LDLRAD4: variants seen among roughly 807,000 people sequenced by gnomAD.
LDLRAD4 encodes the protein low density lipoprotein receptor class A domain containing 4, also known as low-density lipoprotein receptor class A domain-containing protein 4.
LDLRAD4 carries 5 observed loss-of-function variants against 17.0 expected under a neutral mutation model. The observed-to-expected ratio is 0.29, with a 90% confidence interval of 0.15 to 0.62. The LOEUF (loss-of-function observed/expected upper bound fraction) is 0.62. Among genes scored for constraint, LDLRAD4 ranks in the 20% least tolerant of loss-of-function variants. The pLI, the probability that LDLRAD4 is intolerant of heterozygous loss-of-function variation, is 0.84. For missense variants in LDLRAD4, 340 were observed against 424.7 expected (o/e 0.80, Z 1.75); for synonymous variants, 168 against 171.8 (o/e 0.98, Z 0.17).
upstream of LDLRAD4, among the ~76,000 whole-genome samples, chr18:13,275,354 A>G (rs1000119419): frequency 6.6e-6 from 1 of 152,242 alleles, no homozygotes; most frequent in Admixed American, 6.5e-5. Context: ...GTTCACTGGT[A>G]AAATGAAATC....
chr18:13,335,316 C>A (rs1297851777), intron 1 of LDLRAD4, among the ~76,000 whole-genome samples: 1 of 152,114 alleles, frequency 6.6e-6, no homozygotes, highest in African/African-American at 2.4e-5. Flanking sequence ...TGTTATTAGT[C>A]AGTTTATTAG....
intron 1 of LDLRAD4, among the ~76,000 whole-genome samples, chr18:13,342,733 G>C (rs2082446886): frequency 6.6e-6 from 1 of 151,424 alleles, no homozygotes; most frequent in African/African-American, 2.4e-5. Context: ...TGTGTCCTTA[G>C]ATCCAAAGTT....
chr18:13,593,020 T>G (rs1601598273), intron 3 of LDLRAD4, among the ~76,000 whole-genome samples: 1 of 152,228 alleles, frequency 6.6e-6, no homozygotes, highest in African/African-American at 2.4e-5. Context: ...ATTGCTTTTT[T>G]AAAAAATCCA....
At chr18:13,561,081 A>G (rs377168989) in intron 3 of LDLRAD4, among the ~76,000 whole-genome samples, 1 of 152,196 alleles carries the variant, frequency 6.6e-6, no homozygotes. Context: ...ACTTGGCCTT[A>G]CAGGTATGTA....
exon 6 of LDLRAD4, chr18:13,650,069 C>T (rs911839099): frequency 4.3e-5 from 17 of 398,540 alleles, no homozygotes; most frequent in South Asian, 1.3e-4. Context: ...TTTCCACCAC[C>T]GCCAGCTGCC....
At chr18:13,263,750 A>T (rs942793774) in intron 1 of LDLRAD4, among the ~76,000 whole-genome samples, 4 of 152,228 alleles carry the variant, frequency 2.6e-5, no homozygotes, top group African/African-American at 9.6e-5. Flanking sequence ...CTTGAGACAC[A>T]GCTGGCTGAT....
At chr18:13,581,988 G>A (rs2094866502) in intron 3 of LDLRAD4, among the ~76,000 whole-genome samples, 1 of 152,120 alleles carries the variant, frequency 6.6e-6, no homozygotes, top group East Asian at 1.9e-4. Flanking sequence ...AAACATGCAT[G>A]TATCTTTCTG....
At chr18:13,572,323 G>A (rs2094704723) in intron 3 of LDLRAD4, among the ~76,000 whole-genome samples, 2 of 152,182 alleles carry the variant, frequency 1.3e-5, no homozygotes, top group African/African-American at 4.8e-5. Context: ...CTTTGCAGCC[G>A]GCTGTCCTTC....
At chr18:13,311,337 G>C (rs569518240) in intron 1 of LDLRAD4, among the ~76,000 whole-genome samples, 1 of 152,238 alleles carries the variant, frequency 6.6e-6, no homozygotes, top group Non-Finnish European at 1.5e-5. Context: ...CCTGCCTACC[G>C]ATCCACCCTC....
At chr18:13,565,105 A>G (rs1248335416) in intron 3 of LDLRAD4, 1 of 152,252 alleles carries the variant, frequency 6.6e-6, no homozygotes, top group Non-Finnish European at 1.5e-5. Flanking sequence ...CAAAACAGCA[A>G]TGTAAAACAA....
At chr18:13,643,452 G>GT (rs1178328643) in intron 5 of LDLRAD4, 40 bp downstream of exon 6, 6 of 456,226 alleles carry the variant, frequency 1.3e-5, no homozygotes, top group African/African-American at 2.1e-5. Context: ...GGGGGCGGGG[G>GT]GGGTGGGTGG....
At position 13,601,632 on chromosome 18, in the gene LDLRAD4, C is replaced by T. The variant is rs374863308; in HGVS notation, c.182-19485C>T. Among the ~76,000 whole-genome samples, 116 of 134,520 alleles carry T rather than the reference C, an allele frequency of 8.6e-4. No homozygotes were observed. The East Asian group carries it at 0.016, about 19-fold the overall frequency. 88.3% of individuals were successfully genotyped at this position (134,520 alleles called of 152,430 possible). On this transcript the variant is annotated intron_variant, in intron 3 of 5. Coordinates refer to ENST00000359446, the Ensembl canonical transcript of LDLRAD4. ...TTGCGCCACGGCACTCCAGCCTGGG[C>T]GACAGAGTGAGACTCTGTCTGAAAA...
chr18:13,517,936 C>T (rs182905419), intron 3 of LDLRAD4, among the ~76,000 whole-genome samples: 19 of 152,186 alleles, frequency 1.2e-4, no homozygotes, highest in Admixed American at 4.6e-4. Flanking sequence ...GATGGGGTTT[C>T]GCTGTGTTAG....
At chr18:13,238,644 G>A (rs1318474153) in intron 1 of LDLRAD4, among the ~76,000 whole-genome samples, 1 of 152,192 alleles carries the variant, frequency 6.6e-6, no homozygotes, top group African/African-American at 2.4e-5. Context: ...CTGCCAGCCT[G>A]GGTTCACATC....
chr18:13,444,104 T>C (rs773269140), intron 3 of LDLRAD4, among the ~76,000 whole-genome samples: 93 of 152,234 alleles, frequency 6.1e-4, no homozygotes, highest in Non-Finnish European at 1.2e-3. Context: ...GAAGTGTATA[T>C]CATATAGGAT....
intron 1 of LDLRAD4, among the ~76,000 whole-genome samples, chr18:13,219,690 C>G (rs745324268): frequency 3.3e-5 from 5 of 152,176 alleles, no homozygotes; most frequent in Non-Finnish European, 7.3e-5. Context: ...AGGTTGGTGC[C>G]TTCTCGAAGG....
At chr18:13,414,157 C>T (rs2088645409) in intron 2 of LDLRAD4, among the ~76,000 whole-genome samples, 1 of 152,202 alleles carries the variant, frequency 6.6e-6, no homozygotes, top group South Asian at 2.1e-4. Flanking sequence ...CAGAGATGAA[C>T]ATCTTGGGGT....
At chr18:13,592,869 C>A (rs1469436858) in intron 3 of LDLRAD4, among the ~76,000 whole-genome samples, 1 of 152,180 alleles carries the variant, frequency 6.6e-6, no homozygotes, top group Non-Finnish European at 1.5e-5. Flanking sequence ...CTTTGTGGAG[C>A]AATTCAGTTT....
chr18:13,283,089 G>A (rs1038547707), intron 1 of LDLRAD4, among the ~76,000 whole-genome samples: 3 of 152,170 alleles, frequency 2.0e-5, no homozygotes, highest in Non-Finnish European at 2.9e-5. Flanking sequence ...CATACAGCAC[G>A]GGGACCCTGG....
Sources: allele counts gnomAD v4.1 joint callset (sites outside exome capture counted in the v4.1 genomes callset), GRCh38; gene constraint gnomAD v4.1.1; transcripts MANE v1.5; gene names NCBI Gene and HGNC (gene_info 2026-07-23, HGNC 2026-07-21).